Variants in SLC30A9 observed in about 807,000 individuals in gnomAD.
SLC30A9 encodes proton-coupled zinc antiporter SLC30A9, mitochondrial.
In SLC30A9, 58 loss-of-function variants were observed where a neutral mutation model predicts 87.5. That is an observed-to-expected ratio of 0.66 (90% CI 0.54 to 0.82). The LOEUF (loss-of-function observed/expected upper bound fraction) is 0.82. Among genes scored for constraint, SLC30A9 ranks in the 40% least tolerant of loss-of-function variants. SLC30A9 has a pLI of 0.00. For synonymous variants in SLC30A9, 234 were observed against 233.0 expected, an observed-to-expected ratio of 1.00 and a Z score of -0.04; for missense variants, 557 against 679.1, an observed-to-expected ratio of 0.82 and a Z score of 2.00.
At chr4:42,077,199 A>T (rs1242034115) in intron 16 of SLC30A9, among the ~76,000 whole-genome samples, 1 of 152,000 alleles carries the variant, frequency 6.6e-6, no homozygotes, top group Non-Finnish European at 1.5e-5. Flanking sequence ...TTCTTACATG[A>T]TTGTATTAAT....
intron 8 of SLC30A9, among the ~76,000 whole-genome samples, chr4:42,047,774 G>A (rs564156396): frequency 3.9e-5 from 6 of 152,318 alleles, no homozygotes; most frequent in African/African-American, 1.4e-4. Context: ...AAAGACACAT[G>A]CACGTGTATG....
chr4:42,037,349 A>G (rs1479243760), intron 7 of SLC30A9, among the ~76,000 whole-genome samples: 1 of 145,754 alleles, frequency 6.9e-6, no homozygotes, highest in African/African-American at 2.5e-5. Context: ...GATATATGAA[A>G]TCACAGTGTT....
intron 2 of SLC30A9, among the ~76,000 whole-genome samples, chr4:42,012,107 A>G (rs961326752): frequency 6.6e-6 from 1 of 152,176 alleles, no homozygotes; most frequent in Non-Finnish European, 1.5e-5. Context: ...CAGATCAGAA[A>G]TATGTTTTGA....
intron 2 of SLC30A9, among the ~76,000 whole-genome samples, chr4:42,005,657 T>G (rs1715170695): frequency 6.6e-6 from 1 of 152,210 alleles, no homozygotes; most frequent in East Asian, 1.9e-4. Flanking sequence ...CGGGGAAAGC[T>G]GGCTTTGATA....
At chr4:42,053,856 ATG>A (rs1717490825) in intron 9 of SLC30A9, among the ~76,000 whole-genome samples, 1 of 152,172 alleles carries the variant, frequency 6.6e-6, no homozygotes, top group African/African-American at 2.4e-5. Flanking sequence ...ATAAAAGGGA[ATG>A]AAGTACTTTT....
chr4:42,058,126 A>T (rs1488608851), intron 9 of SLC30A9, among the ~76,000 whole-genome samples: 4 of 149,406 alleles, frequency 2.7e-5, no homozygotes, highest in African/African-American at 9.8e-5. Context: ...AAAAAACTGA[A>T]TTCCTTTAAT....
At chr4:42,062,615 G>A (rs1717902210) in intron 10 of SLC30A9, among the ~76,000 whole-genome samples, 1 of 152,158 alleles carries the variant, frequency 6.6e-6, no homozygotes, top group South Asian at 2.1e-4. Context: ...TATTCAATTA[G>A]AAGCTGCATT....
chr4:42,039,082 A>G, intron 8 of SLC30A9, 29 bp downstream of exon 8: 1 of 1,485,420 alleles, frequency 6.7e-7, no homozygotes, highest in Non-Finnish European at 9.4e-7. Flanking sequence ...GCTTTGTGAA[A>G]TAGAATATAT....
chr4:42,086,767 G>A lies in SLC30A9; in HGVS notation c.*641G>A, dbSNP rs1261897608. The A allele has an allele frequency of 2.0e-5, 3 of 152,498 alleles. No individual in the cohort carries two copies. In the East Asian group the frequency reaches 5.8e-4, roughly 29 times the overall value. 9.4% of individuals were successfully genotyped at this position (152,498 alleles called of 1,614,324 possible). A position where few individuals can be genotyped will look rare whatever the true frequency, so the allele number is the denominator to read the frequency against. On this transcript the variant is annotated 3_prime_UTR_variant, in exon 18 of 18. Coordinates refer to ENST00000264451, the MANE Select transcript of SLC30A9 (RefSeq NM_006345.4). ...AAGACATCTCAGTACACTCTTTTAG[G>A]TCATAGTAGTTGCCATTTTGTAAAA...
rs1719037859 is a variant in SLC30A9, at chr4:42,089,773, G to A, written c.*3647G>A. The A allele has an allele frequency of 6.6e-6, 1 of 152,154 alleles. No homozygotes were observed. Among genetic ancestry groups the A allele is most frequent in the Admixed American group, 6.5e-5 (1 of 15,274 alleles). The allele number at this position is 152,154 out of a possible 1,614,324, so 9.4% of individuals were successfully genotyped here. On this transcript the variant is annotated 3_prime_UTR_variant, in exon 18 of 18. Coordinates refer to ENST00000264451, the MANE Select transcript of SLC30A9 (RefSeq NM_006345.4). ...ATAGTATCCAACTCCAAAGAGGTAA[G>A]TTCCTGAACATACACTAAAGAACCT...
chr4:42,005,832 A>T (rs188182814), intron 2 of SLC30A9, among the ~76,000 whole-genome samples: 122 of 152,354 alleles, frequency 8.0e-4, no homozygotes, highest in Non-Finnish European at 9.3e-4. Flanking sequence ...TACTCAAGAA[A>T]TATTTATTGA....
chr4:42,006,541 G>T (rs1715209442), intron 2 of SLC30A9, among the ~76,000 whole-genome samples: 1 of 152,092 alleles, frequency 6.6e-6, no homozygotes, highest in South Asian at 2.1e-4. Context: ...ACAAAAATTA[G>T]CTGGGCATAG....
intron 1 of SLC30A9, among the ~76,000 whole-genome samples, chr4:41,994,233 A>G (rs559512132): frequency 1.3e-5 from 2 of 152,340 alleles, no homozygotes; most frequent in South Asian, 2.1e-4. Flanking sequence ...AAAACTGTAG[A>G]AAAATACAGT....
intron 15 of SLC30A9, among the ~76,000 whole-genome samples, chr4:42,074,558 A>G (rs756307180): frequency 1.3e-5 from 2 of 152,138 alleles, no homozygotes; most frequent in Admixed American, 6.6e-5. Context: ...GGTATGATGC[A>G]AATACCACTG....
At chr4:42,035,455 G>T in intron 7 of SLC30A9, 122 bp downstream of exon 7, 1 of 1,045,076 alleles carries the variant, frequency 9.6e-7, no homozygotes, top group African/African-American at 1.6e-5. Flanking sequence ...GTACATTGTA[G>T]TTCACTGAAT....
intron 9 of SLC30A9, among the ~76,000 whole-genome samples, chr4:42,053,107 C>T (rs889473036): frequency 1.3e-5 from 2 of 152,144 alleles, no homozygotes; most frequent in Non-Finnish European, 2.9e-5. Context: ...CCAGTGGACA[C>T]CTGAAAATGT....
chr4:42,008,818 C>G (rs942335237), intron 2 of SLC30A9, among the ~76,000 whole-genome samples: 1 of 152,188 alleles, frequency 6.6e-6, no homozygotes, highest in Non-Finnish European at 1.5e-5. Flanking sequence ...TTAATGGCTC[C>G]TTGTTTTCAT....
chr4:42,047,548 A>AG (rs1033576031), intron 8 of SLC30A9, among the ~76,000 whole-genome samples: 1 of 152,230 alleles, frequency 6.6e-6, no homozygotes, highest in Non-Finnish European at 1.5e-5. Context: ...CACGCCAGTT[A>AG]GATTGGCGAT....
At chr4:42,004,664 C>CTTT (rs71198699) in intron 2 of SLC30A9, among the ~76,000 whole-genome samples, 77,692 of 128,074 alleles carry the variant, frequency 0.61, 27,100 homozygotes, top group East Asian at 0.91. Flanking sequence ...TTTTCTTTTT[C>CTTT]TTTTTTTTTT....
Sources: allele counts gnomAD v4.1 joint callset (sites outside exome capture counted in the v4.1 genomes callset), GRCh38; gene constraint gnomAD v4.1.1; transcripts MANE v1.5; gene names NCBI Gene and HGNC (gene_info 2026-07-23, HGNC 2026-07-21).